The following EPHB1 variants were observed in gnomAD, a reference collection of about 807,000 sequenced individuals.
EPHB1 encodes the protein EPH receptor B1.
Under a neutral mutation model 94.4 loss-of-function variants are expected in EPHB1, and 30 were observed. The observed-to-expected ratio is 0.32, with a 90% confidence interval of 0.24 to 0.43. EPHB1 has a LOEUF of 0.43. Ranked by LOEUF, EPHB1 falls within the 20% of genes least tolerant of loss-of-function variation. The pLI, the probability that EPHB1 is intolerant of heterozygous loss-of-function variation, is 1.00. For missense variants in EPHB1, 1,055 were observed against 1,308.3 expected (o/e 0.81, Z 2.99); for synonymous variants, 522 against 489.1 (o/e 1.07, Z -0.89).
intron 5 of EPHB1, among the ~76,000 whole-genome samples, chr3:135,147,915 T>G (rs1941067788): frequency 6.6e-6 from 1 of 152,228 alleles, no homozygotes; most frequent in African/African-American, 2.4e-5. Flanking sequence ...AGATAAGATT[T>G]GCTGAACTCT....
intron 3 of EPHB1, among the ~76,000 whole-genome samples, chr3:134,980,987 T>A (rs1454889616): frequency 1.3e-5 from 2 of 152,158 alleles, no homozygotes; most frequent in Non-Finnish European, 2.9e-5. Flanking sequence ...CTCAACAGGT[T>A]CCTCTCCTTC....
intron 3 of EPHB1, among the ~76,000 whole-genome samples, chr3:134,969,073 T>C (rs2107725934): frequency 6.6e-6 from 1 of 152,336 alleles, no homozygotes; most frequent in Non-Finnish European, 1.5e-5. Context: ...GGAAATTGTA[T>C]GTTTAACTGC....
At chr3:135,097,827 G>T (rs568343846) in intron 3 of EPHB1, among the ~76,000 whole-genome samples, 1 of 152,128 alleles carries the variant, frequency 6.6e-6, no homozygotes, top group Non-Finnish European at 1.5e-5. Flanking sequence ...AAGTAAATGC[G>T]CTCCAGCCCT....
rs529170249 is a variant in EPHB1, at chr3:135,179,975, C to A, written c.1875C>A (p.Ile625=). 1.9e-6 allele frequency: 3 copies of A among 1,613,620 alleles called. No individual in the cohort carries two copies. The highest frequency in any genetic ancestry group is 1.7e-6 in the Non-Finnish European group (2 of 1,179,730). ...DVSFVKIEEV[I]GAGEFGEVYK... ...CTTTTGTGAAAATTGAAGAGGTCAT[C>A]GGAGCAGGTATGGCTCTTCCCTGTC... Residue 625 remains isoleucine, a synonymous_variant, in exon 10 of 16, where the codon ATC becomes ATA. Transcript: ENST00000398015.
rs559517232 is a variant in EPHB1, at chr3:135,024,244, A to G, written c.805+72192A>G. Among the ~76,000 whole-genome samples the G allele has an allele frequency of 8.5e-5, 13 of 152,342 alleles. No individual in the cohort carries two copies. The South Asian group carries it at 1.9e-3, about 22-fold the overall frequency. Reference sequence around the variant, plus strand: ...CATGGTGTGAAAACAGTTTGGCTGCATACCCTTTGCCCAACTTCATCTCAA... The same window carrying G: ...CATGGTGTGAAAACAGTTTGGCTGCGTACCCTTTGCCCAACTTCATCTCAA... On this transcript the variant is annotated intron_variant, in intron 3 of 15. Coordinates refer to ENST00000398015, the MANE Select transcript of EPHB1 (RefSeq NM_004441.5).
Position 135,102,679 on chromosome 3 carries a change from G to A in EPHB1, c.806-3769G>A, listed in dbSNP as rs537181658. 1.0e-3 allele frequency among the ~76,000 whole-genome samples: 152 copies of A among 152,216 alleles called. 1 individual carries two copies. Among genetic ancestry groups the A allele is most frequent in the African/African-American group, 3.4e-3 (142 of 41,524 alleles). Reference sequence around the variant, plus strand: ...TTCTACTATAAAGACACATGCACACGTATGTTTATTGTAGCACTATTTACA... The same window carrying A: ...TTCTACTATAAAGACACATGCACACATATGTTTATTGTAGCACTATTTACA... On this transcript the variant is annotated intron_variant, in intron 3 of 15. Coordinates refer to ENST00000398015, the MANE Select transcript of EPHB1 (RefSeq NM_004441.5).
intron 3 of EPHB1, among the ~76,000 whole-genome samples, chr3:134,995,539 C>T (rs1368531790): frequency 6.6e-6 from 1 of 152,106 alleles, no homozygotes; most frequent in African/African-American, 2.4e-5. Flanking sequence ...GGAAGTTTAA[C>T]ATCATTAGCC....
chr3:135,192,453 T>C, intron 10 of EPHB1, 123 bp from the exon 11 acceptor site: 1 of 1,213,560 alleles, frequency 8.2e-7, no homozygotes, highest in Non-Finnish European at 1.1e-6. Flanking sequence ...GAAGACTGTT[T>C]TAATTTCCGC....
chr3:135,233,228 A>AAATT (rs1241770832), intron 12 of EPHB1, among the ~76,000 whole-genome samples: 2 of 152,240 alleles, frequency 1.3e-5, no homozygotes, highest in Admixed American at 1.3e-4. Flanking sequence ...AATCAAAAGC[A>AAATT]AATTAGTTAC....
rs77842456 is a variant in EPHB1 at position 135,021,220 on chromosome 3, A to G, written c.805+69168A>G. On this transcript the variant is annotated intron_variant, in intron 3 of 15. Transcript: ENST00000398015. ...ACATCTATCTGTCTTCTTTTTAACC[A>G]TGCATTTTCCCCACCAGTAAACAGC... is the stretch of plus-strand genomic sequence containing the variant. Among the ~76,000 whole-genome samples the G allele has an allele frequency of 6.0e-3, 911 of 152,260 alleles. 10 individuals are homozygous for G. Among genetic ancestry groups the G allele is most frequent in the African/African-American group, 0.021 (855 of 41,546 alleles).
At chr3:135,091,557 T>C (rs985955608) in intron 3 of EPHB1, among the ~76,000 whole-genome samples, 9 of 152,228 alleles carry the variant, frequency 5.9e-5, no homozygotes, top group Non-Finnish European at 1.3e-4. Context: ...GGCCCCATTC[T>C]AAAAGGTATT....
At chr3:134,983,637 C>G (rs1413526625) in intron 3 of EPHB1, among the ~76,000 whole-genome samples, 2 of 152,364 alleles carry the variant, frequency 1.3e-5, no homozygotes, top group Middle Eastern at 6.8e-3. Flanking sequence ...TGAGCATCTT[C>G]CCCACCATGC....
intron 3 of EPHB1, among the ~76,000 whole-genome samples, chr3:134,996,814 C>G (rs982271102): frequency 8.6e-5 from 13 of 151,862 alleles, no homozygotes; most frequent in African/African-American, 3.1e-4. Flanking sequence ...TGTTCATATT[C>G]TTTACCCATT....
chr3:135,179,149 T>C (rs1006024676), intron 9 of EPHB1, among the ~76,000 whole-genome samples: 1 of 152,224 alleles, frequency 6.6e-6, no homozygotes, highest in African/African-American at 2.4e-5. Flanking sequence ...TATTCCTTTA[T>C]GTATTTCTCA....
chr3:135,252,070 T>C (rs1351690661), intron 15 of EPHB1, among the ~76,000 whole-genome samples: 1 of 152,022 alleles, frequency 6.6e-6, no homozygotes. Context: ...TTAGTGTTTG[T>C]GATGGGAGGT....
At chr3:135,017,888 T>C (rs150509964) in intron 3 of EPHB1, among the ~76,000 whole-genome samples, 640 of 152,262 alleles carry the variant, frequency 4.2e-3, no homozygotes, top group Non-Finnish European at 6.7e-3. Context: ...GTTTGTTGAA[T>C]TAATGAAGGG....
At chr3:135,177,055 G>A (rs1382649496) in intron 9 of EPHB1, among the ~76,000 whole-genome samples, 2 of 152,132 alleles carry the variant, frequency 1.3e-5, no homozygotes, top group Non-Finnish European at 2.9e-5. Context: ...CAGTCAGTGA[G>A]TCATCACTGT....
At chr3:135,065,397 C>T (rs1937568527) in intron 3 of EPHB1, among the ~76,000 whole-genome samples, 2 of 152,128 alleles carry the variant, frequency 1.3e-5, no homozygotes, top group African/African-American at 4.8e-5. Flanking sequence ...GTGTTAGGTG[C>T]ATATATATTT....
chr3:135,097,801 G>C (rs1938860520), intron 3 of EPHB1, among the ~76,000 whole-genome samples: 1 of 152,210 alleles, frequency 6.6e-6, no homozygotes, highest in African/African-American at 2.4e-5. Flanking sequence ...GGCTCCAAGT[G>C]CCCAGGATGA....
Sources: gnomAD v4.1 joint callset for allele counts (sites outside exome capture counted in the v4.1 genomes callset) on GRCh38, gnomAD v4.1.1 for gene constraint, MANE v1.5 for transcripts, NCBI Gene and HGNC (gene_info 2026-07-23, HGNC 2026-07-21) for gene names.